The following PAK2 variants were observed in gnomAD, a reference collection of about 807,000 sequenced individuals.
The protein encoded by PAK2 is p21 (RAC1) activated kinase 2.
PAK2 carries 21 observed loss-of-function variants against 65.9 expected under a neutral mutation model. The ratio of observed to expected loss-of-function variants is 0.32; its 90% confidence interval spans 0.23 to 0.46. The LOEUF is 0.46. Among genes scored for constraint, PAK2 ranks in the 20% least tolerant of loss-of-function variants. The pLI, the probability that PAK2 is intolerant of heterozygous loss-of-function variation, is 1.00. For missense variants in PAK2, 324 were observed against 642.6 expected (o/e 0.50, Z 5.36); for synonymous variants, 204 against 219.7 (o/e 0.93, Z 0.63).
At position 196,751,674 on chromosome 3, in the gene PAK2, CATATATAT is replaced by C. The variant is rs149522539; in HGVS notation, c.-22+11531_-22+11538del. 2.1e-4 allele frequency among the ~76,000 whole-genome samples: 15 copies of C among 71,822 alleles called. 3 individuals are homozygous for C. The highest frequency in any genetic ancestry group is 9.8e-4 in the African/African-American group (13 of 13,292). The allele number at this position is 71,822 out of a possible 152,430, so 47.1% of individuals were successfully genotyped here. On this transcript the variant is annotated intron_variant, in intron 1 of 14. Transcript: ENST00000327134. The stretch of plus-strand genomic sequence containing the variant: ...AAAAACACACAAATTTATTTATATA[CATATATAT>C]ATATATATATATAATTCAGGCTATA...
chr3:196,807,758 T>C, intron 6 of PAK2, 24 bp from the exon 7 acceptor site: 2 of 1,380,390 alleles, frequency 1.4e-6, no homozygotes, highest in Non-Finnish European at 2.0e-6. Flanking sequence ...CCTCAAACCT[T>C]GGTAATGAAC....
intron 7 of PAK2, among the ~76,000 whole-genome samples, chr3:196,810,186 CTA>C (rs909389293): frequency 2.0e-5 from 3 of 151,776 alleles, no homozygotes; most frequent in Non-Finnish European, 4.4e-5. Context: ...TCAAATATAT[CTA>C]TTTTATATTC....
rs1363421085 is a variant in PAK2 at position 196,812,828 on chromosome 3, C to T, written c.912C>T (p.Pro304=). Residue 304 remains proline, a synonymous_variant, in exon 10 of 15, where the codon CCC becomes CCT. Coordinates refer to ENST00000327134, the MANE Select transcript of PAK2 (RefSeq NM_002577.4). ...TGGTGATGAAAGAATTGAAAAATCC[C>T]AACATCGTTAACTTTTTGGACAGGT... ...EILVMKELKN[P]NIVNFLDSYL... is the part of the protein sequence containing the mutation. The T allele has an allele frequency of 6.6e-7, 1 of 1,516,428 alleles. No homozygotes were observed. Among genetic ancestry groups the T allele is most frequent in the Non-Finnish European group, 9.2e-7 (1 of 1,092,144 alleles). The allele number at this position is 1,516,428 out of a possible 1,614,324, so 93.9% of individuals were successfully genotyped here.
intron 11 of PAK2, among the ~76,000 whole-genome samples, chr3:196,815,040 C>T (rs578127686): frequency 3.8e-4 from 57 of 151,774 alleles, no homozygotes; most frequent in Admixed American, 2.0e-3. Flanking sequence ...ATTAGCCGGG[C>T]GTGTTGGCAG....
intron 2 of PAK2, among the ~76,000 whole-genome samples, chr3:196,799,802 C>T (rs1334991944): frequency 6.6e-6 from 1 of 152,126 alleles, no homozygotes; most frequent in African/African-American, 2.4e-5. Context: ...ATTTTAGATA[C>T]AGTGTTTTGC....
At chr3:196,759,497 T>G (rs1281183776) in intron 1 of PAK2, among the ~76,000 whole-genome samples, 1 of 109,394 alleles carries the variant, frequency 9.1e-6, no homozygotes, top group Non-Finnish European at 1.8e-5. Context: ...TGGTTTTTTT[T>G]GTTTTTTTTT....
At chr3:196,806,832 G>A in intron 6 of PAK2, 146 bp downstream of exon 6, 5 of 600,558 alleles carry the variant, frequency 8.3e-6, no homozygotes, top group Non-Finnish European at 1.5e-5. Context: ...CAAGAAATCT[G>A]TACCCAAAGA....
At chr3:196,763,692 ATC>A (rs2108722991) in intron 1 of PAK2, among the ~76,000 whole-genome samples, 1 of 152,324 alleles carries the variant, frequency 6.6e-6, no homozygotes, top group Admixed American at 6.5e-5. Context: ...GCAAAATAGT[ATC>A]TGCATTTTAG....
At chr3:196,779,061 G>C (rs1448463374) in intron 1 of PAK2, among the ~76,000 whole-genome samples, 1 of 152,176 alleles carries the variant, frequency 6.6e-6, no homozygotes, top group Non-Finnish European at 1.5e-5. Flanking sequence ...CTGTTCTTTG[G>C]AAGTGAGTCA....
rs145780663 is a variant in PAK2, at chr3:196,801,988, C to G, written c.249C>G (p.Thr83=). 842 of 1,610,372 alleles carry G rather than the reference C, an allele frequency of 5.2e-4. 5 individuals carry two copies. The African/African-American group carries it at 0.01, about 20-fold the overall frequency. ...CTCCTCCATCTGATTTTGAGCACAC[C>G]ATCCATGTTGGCTTTGATGCTGTTA... is the stretch of plus-strand genomic sequence containing the variant. ...EISPPSDFEH[T]IHVGFDAVTG... Residue 83 remains threonine (T), a synonymous_variant, in exon 3 of 15, where the codon ACC becomes ACG. Transcript: ENST00000327134.
At chr3:196,744,239 A>G (rs1209244076) in intron 1 of PAK2, among the ~76,000 whole-genome samples, 1 of 152,200 alleles carries the variant, frequency 6.6e-6, no homozygotes, top group Non-Finnish European at 1.5e-5. Flanking sequence ...AGAAAAAAAT[A>G]TTAAATAAGA....
intron 11 of PAK2, among the ~76,000 whole-genome samples, chr3:196,816,957 T>C (rs950768681): frequency 3.9e-5 from 6 of 152,106 alleles, no homozygotes; most frequent in Non-Finnish European, 8.8e-5. Context: ...ATCTTCTTTC[T>C]GATGAACAGC....
chr3:196,794,275 T>C (rs1447733047), intron 2 of PAK2, among the ~76,000 whole-genome samples: 2 of 152,140 alleles, frequency 1.3e-5, no homozygotes, highest in African/African-American at 4.8e-5. Context: ...AAAATGGTGG[T>C]GTAGAAGCAC....
At chr3:196,780,329 A>C (rs1358819787) in intron 1 of PAK2, among the ~76,000 whole-genome samples, 1 of 152,220 alleles carries the variant, frequency 6.6e-6, no homozygotes, top group Non-Finnish European at 1.5e-5. Context: ...TTACAGAAGA[A>C]AGAGGTTTAA....
intron 4 of PAK2, among the ~76,000 whole-genome samples, chr3:196,804,558 C>T (rs953351864): frequency 1.3e-5 from 2 of 152,072 alleles, no homozygotes; most frequent in Non-Finnish European, 2.9e-5. Context: ...ACCCCCGCCT[C>T]CCGGGTTCAA....
intron 1 of PAK2, among the ~76,000 whole-genome samples, chr3:196,764,993 C>T (rs1439141158): frequency 4.6e-5 from 7 of 151,344 alleles, no homozygotes; most frequent in South Asian, 4.2e-4. Context: ...TACAGGCACC[C>T]GCCACCACGC....
At chr3:196,740,758 C>T (rs1295040734) in intron 1 of PAK2, among the ~76,000 whole-genome samples, 1 of 152,188 alleles carries the variant, frequency 6.6e-6, no homozygotes, top group Non-Finnish European at 1.5e-5. Context: ...CTCCTCGCTC[C>T]TGTTTGAGCT....
At chr3:196,806,512 T>C in intron 5 of PAK2, 67 bp from the exon 6 acceptor site, 1 of 958,810 alleles carries the variant, frequency 1.0e-6, no homozygotes, top group Non-Finnish European at 1.7e-6. Context: ...AGTACGTTCA[T>C]AAAGGGCGAT....
chr3:196,762,499 G>T (rs961241377), intron 1 of PAK2, among the ~76,000 whole-genome samples: 2 of 150,796 alleles, frequency 1.3e-5, no homozygotes, highest in African/African-American at 4.9e-5. Context: ...GCTGGAGACC[G>T]GCCCGGCCAA....
Sources: gnomAD v4.1 joint callset for allele counts (sites outside exome capture counted in the v4.1 genomes callset) on GRCh38, gnomAD v4.1.1 for gene constraint, MANE v1.5 for transcripts, NCBI Gene and HGNC (gene_info 2026-07-23, HGNC 2026-07-21) for gene names.